FOXP1: variants seen among roughly 807,000 people sequenced by gnomAD.
FOXP1 encodes the protein forkhead box P1.
Under a neutral mutation model 98.2 loss-of-function variants are expected in FOXP1, and 15 were observed. The ratio of observed to expected loss-of-function variants is 0.15; its 90% CI spans 0.10 to 0.24. The LOEUF is 0.24. FOXP1 is among the 10% of genes least tolerant of loss of function. The pLI is 1.00. For synonymous variants in FOXP1, 371 were observed against 314.5 expected (o/e 1.18, Z -1.90); for missense variants, 633 against 848.5 (o/e 0.75, Z 3.15).
chr3:71,039,756 G>GAA (rs567940533), intron 11 of FOXP1, among the ~76,000 whole-genome samples: 6 of 108,274 alleles, frequency 5.5e-5, no homozygotes, highest in Admixed American at 9.6e-5. Flanking sequence ...TTTCTTTCTT[G>GAA]AAAAAAAAAA....
Position 71,053,626 on chromosome 3 carries a change from G to C in FOXP1, c.420+10C>G, listed in dbSNP as rs762947784. Reference sequence around the variant, plus strand: ...GGGAGACAGGCTGGAGGTGGAGGAAGGACAATTACCTGTTGAAGCATGAGG... The same window carrying C: ...GGGAGACAGGCTGGAGGTGGAGGAACGACAATTACCTGTTGAAGCATGAGG... On this transcript the variant is annotated intron_variant, in intron 8 of 20. Transcript: ENST00000649528. The C allele has an allele frequency of 6.2e-7, 1 of 1,614,004 alleles. No individual in the cohort carries two copies. The highest frequency in any genetic ancestry group is 1.1e-5 in the South Asian group (1 of 91,066).
rs534201000 is a variant in FOXP1, at chr3:70,972,994, AACAACACATGCAAAGTAT to A, written c.1531-336_1531-319del. Among the ~76,000 whole-genome samples, 24 of 152,330 alleles carry A rather than the reference AACAACACATGCAAAGTAT, an allele frequency of 1.6e-4. No individual in the cohort carries two copies. The South Asian group carries it at 4.8e-3, about 30-fold the overall frequency. On this transcript the variant is annotated intron_variant, in intron 17 of 20. Transcript: ENST00000649528. ...TCTGAAAATGTTACTGTGACTTCAA[AACAACACATGCAAAGTAT>A]GAAACTGCCCTTTTTAAGCCCACCT...
chr3:71,174,825 C>T (rs1016531611), intron 6 of FOXP1, among the ~76,000 whole-genome samples: 119 of 151,050 alleles, frequency 7.9e-4, no homozygotes, highest in Non-Finnish European at 8.0e-4. Context: ...CACACACACA[C>T]ACCCCAATAT....
At chr3:71,489,762 T>C (rs937391978) in intron 3 of FOXP1, among the ~76,000 whole-genome samples, 12 of 152,240 alleles carry the variant, frequency 7.9e-5, no homozygotes, top group African/African-American at 2.9e-4. Flanking sequence ...TAATTTATTA[T>C]GCAAGCATGG....
At chr3:71,328,973 C>CCAAAAAAAAAA in intron 4 of FOXP1, among the ~76,000 whole-genome samples, 1 of 37,028 alleles carries the variant, frequency 2.7e-5, no homozygotes, top group South Asian at 1.8e-3. Flanking sequence ...CTCCATCTCG[C>CCAAAAAAAAAA]TAAAAAAAAA....
intron 12 of FOXP1, among the ~76,000 whole-genome samples, chr3:71,011,942 T>C (rs2043712129): frequency 6.6e-6 from 1 of 152,192 alleles, no homozygotes; most frequent in Non-Finnish European, 1.5e-5. Flanking sequence ...AAAATTATTC[T>C]CTCTCCTTTT....
At chr3:71,254,540 T>C (rs1381403277) in intron 5 of FOXP1, among the ~76,000 whole-genome samples, 1 of 152,222 alleles carries the variant, frequency 6.6e-6, no homozygotes, top group African/African-American at 2.4e-5. Flanking sequence ...CAATCTTTCA[T>C]TTGGGTGATT....
chr3:71,075,755 C>A (rs1207654552), intron 7 of FOXP1, among the ~76,000 whole-genome samples: 4 of 152,002 alleles, frequency 2.6e-5, no homozygotes, highest in Non-Finnish European at 5.9e-5. Context: ...AACTCTGTCA[C>A]CCAGACTGGA....
intron 3 of FOXP1, among the ~76,000 whole-genome samples, chr3:71,374,159 G>A (rs535711951): frequency 6.6e-6 from 1 of 152,260 alleles, no homozygotes; most frequent in African/African-American, 2.4e-5. Flanking sequence ...GTTGACATCC[G>A]TTTCTAGAAC....
chr3:71,564,288 A>C (rs1402655357), intron 2 of FOXP1, among the ~76,000 whole-genome samples: 4 of 152,232 alleles, frequency 2.6e-5, no homozygotes, highest in African/African-American at 9.7e-5. Context: ...TTGGCTATTT[A>C]ATGTGACTTT....
chr3:71,356,213 C>CAAAAAA (rs3064928), intron 4 of FOXP1, among the ~76,000 whole-genome samples: 1 of 75,342 alleles, frequency 1.3e-5, no homozygotes, highest in Non-Finnish European at 2.8e-5. Flanking sequence ...CTGACTAAGT[C>CAAAAAA]AAAAAAAAAA....
At chr3:70,967,693 TTTTTTTG>T (rs2035180458) in intron 19 of FOXP1, among the ~76,000 whole-genome samples, 3 of 120,374 alleles carry the variant, frequency 2.5e-5, no homozygotes, top group African/African-American at 1.1e-4. Flanking sequence ...ATTTGTTTTT[TTTTTTTG>T]TTTTTTTTTG....
At chr3:70,960,461 C>T (rs1243807048) in intron 20 of FOXP1, among the ~76,000 whole-genome samples, 2 of 152,190 alleles carry the variant, frequency 1.3e-5, no homozygotes, top group Non-Finnish European at 2.9e-5. Flanking sequence ...GCTCGGATAA[C>T]TATTGAGAAA....
intron 5 of FOXP1, among the ~76,000 whole-genome samples, chr3:71,223,810 G>A (rs528441844): frequency 2.6e-5 from 4 of 151,938 alleles, no homozygotes; most frequent in African/African-American, 7.3e-5. Context: ...ATGGCTCTCC[G>A]CTCAGGCCAG....
chr3:71,282,639 T>A (rs1488616997), intron 5 of FOXP1, among the ~76,000 whole-genome samples: 1 of 152,188 alleles, frequency 6.6e-6, no homozygotes, highest in African/African-American at 2.4e-5. Flanking sequence ...TCAAGAAATC[T>A]GGTTACTTCC....
chr3:71,251,680 G>T (rs1392719472), intron 5 of FOXP1, among the ~76,000 whole-genome samples: 2 of 152,164 alleles, frequency 1.3e-5, no homozygotes, highest in African/African-American at 4.8e-5. Context: ...ATGGGATAAA[G>T]CCTGATGATG....
At chr3:71,416,839 G>A (rs1391614865) in intron 3 of FOXP1, among the ~76,000 whole-genome samples, 1 of 151,990 alleles carries the variant, frequency 6.6e-6, no homozygotes, top group Admixed American at 6.6e-5. Context: ...AGGAGAAGAG[G>A]CAGAACTCAC....
intron 5 of FOXP1, among the ~76,000 whole-genome samples, chr3:71,254,531 A>C (rs1314739692): frequency 2.6e-5 from 4 of 152,214 alleles, no homozygotes; most frequent in African/African-American, 9.7e-5. Context: ...ATGATAATAC[A>C]ATCTTTCATT....
chr3:71,230,407 G>C (rs1226436306), intron 5 of FOXP1, among the ~76,000 whole-genome samples: 1 of 152,142 alleles, frequency 6.6e-6, no homozygotes, highest in Non-Finnish European at 1.5e-5. Context: ...CTCAGAGGTA[G>C]TACTGTGTGT....
Sources: allele counts gnomAD v4.1 joint callset (sites outside exome capture counted in the v4.1 genomes callset), GRCh38; gene constraint gnomAD v4.1.1; transcripts MANE v1.5; gene names NCBI Gene and HGNC (gene_info 2026-07-23, HGNC 2026-07-21).